Variants in PTCSC3 observed in about 807,000 individuals in gnomAD.
PTCSC3 encodes papillary thyroid carcinoma susceptibility candidate 3, also known as papillary thyroid carcinoma susceptibility candidate 3 (non-protein coding).
At chr14:36,157,826 C>T (rs573230409) in intron 2 of PTCSC3, among the ~76,000 whole-genome samples, 1 of 152,132 alleles carries the variant, frequency 6.6e-6, no homozygotes, top group East Asian at 1.9e-4. Flanking sequence ...GGATAGCATT[C>T]ACTCTATAAA....
At chr14:36,168,072 G>A (rs552015779) in intron 1 of PTCSC3, among the ~76,000 whole-genome samples, 136 of 152,084 alleles carry the variant, frequency 8.9e-4, no homozygotes, top group Non-Finnish European at 1.5e-3. Context: ...GTAGCTTGAA[G>A]GGAAAGCTCT....
At chr14:36,151,282 A>AC (rs925467150) in intron 3 of PTCSC3, among the ~76,000 whole-genome samples, 38 of 150,822 alleles carry the variant, frequency 2.5e-4, no homozygotes, top group African/African-American at 5.8e-4. Flanking sequence ...GTAAGGTATT[A>AC]CCCCCCCGCC....
At chr14:36,140,122 C>G (rs578086340) in intron 3 of PTCSC3, among the ~76,000 whole-genome samples, 9 of 152,296 alleles carry the variant, frequency 5.9e-5, no homozygotes, top group African/African-American at 2.2e-4. Context: ...TTTCACTTTG[C>G]AATATGCATT....
At chr14:36,149,066 G>C (rs1192394567) in intron 3 of PTCSC3, among the ~76,000 whole-genome samples, 1 of 151,482 alleles carries the variant, frequency 6.6e-6, no homozygotes, top group African/African-American at 2.4e-5. Flanking sequence ...TCTTTCTCTA[G>C]TTATCTAATG....
chr14:36,163,128 C>T (rs114751665), intron 1 of PTCSC3, among the ~76,000 whole-genome samples: 126 of 151,650 alleles, frequency 8.3e-4, no homozygotes, highest in African/African-American at 2.9e-3. Flanking sequence ...TACACACCTA[C>T]ATAGAAGGCT....
At chr14:36,164,673 T>C (rs1482074595) in intron 1 of PTCSC3, among the ~76,000 whole-genome samples, 1 of 152,202 alleles carries the variant, frequency 6.6e-6, no homozygotes, top group Non-Finnish European at 1.5e-5. Flanking sequence ...TTGAAAACAC[T>C]GGATACTACA....
exon 1 of PTCSC3, chr14:36,176,389 A>G (rs1359523366): frequency 6.6e-6 from 1 of 151,742 alleles, no homozygotes; most frequent in Admixed American, 6.6e-5. Flanking sequence ...TGACTTTTCC[A>G]CAACAGTCTT....
intron 3 of PTCSC3, among the ~76,000 whole-genome samples, chr14:36,145,055 G>A (rs1349893014): frequency 1.2e-5 from 1 of 83,990 alleles, no homozygotes; most frequent in East Asian, 2.7e-4. Context: ...TGCTGGATTC[G>A]TTTTGCCCGT....
At chr14:36,160,297 A>C (rs1316497193) in intron 2 of PTCSC3, among the ~76,000 whole-genome samples, 1 of 152,156 alleles carries the variant, frequency 6.6e-6, no homozygotes, top group Non-Finnish European at 1.5e-5. Context: ...TTTGCCCATT[A>C]ATTGATGCAG....
rs115117422 is a variant in PTCSC3 at position 36,140,404 on chromosome 14, G to A, written n.323-4048C>T. Among the ~76,000 whole-genome samples, 1,045 of 152,202 alleles carry A rather than the reference G, an allele frequency of 6.9e-3. 11 individuals are homozygous for A. The highest frequency in any genetic ancestry group is 0.021 in the African/African-American group (886 of 41,536). On this transcript the variant is annotated intron_variant and non_coding_transcript_variant, in intron 3 of 3. Transcript: ENST00000556013. ...TTGTATTAAGTCCGTGTTTACCTTC[G>A]TCAGAAACTGCCAGATTGTGTTCTA...
intron 1 of PTCSC3, among the ~76,000 whole-genome samples, chr14:36,167,204 A>G (rs1882106948): frequency 6.6e-6 from 1 of 152,142 alleles, no homozygotes; most frequent in African/African-American, 2.4e-5. Context: ...GATTAATCCT[A>G]TTTCTGTTTC....
intron 2 of PTCSC3, among the ~76,000 whole-genome samples, chr14:36,161,853 A>G (rs1215783470): frequency 6.6e-6 from 1 of 152,160 alleles, no homozygotes; most frequent in East Asian, 1.9e-4. Context: ...GCCCTGTCCC[A>G]GGGTTATGAG....
chr14:36,173,338 G>A (rs1000066213), intron 1 of PTCSC3, among the ~76,000 whole-genome samples: 7 of 151,910 alleles, frequency 4.6e-5, no homozygotes, highest in African/African-American at 1.7e-4. Flanking sequence ...ACTAAGTACT[G>A]GTAGAGGCAA....
intron 2 of PTCSC3, among the ~76,000 whole-genome samples, chr14:36,157,447 T>C (rs1251771703): frequency 6.6e-6 from 1 of 152,218 alleles, no homozygotes; most frequent in Admixed American, 6.5e-5. Context: ...CCATTGCTTT[T>C]GGTGTTTTAT....
At chr14:36,137,565 A>C (rs1465645520) in intron 3 of PTCSC3, among the ~76,000 whole-genome samples, 3 of 152,198 alleles carry the variant, frequency 2.0e-5, no homozygotes, top group African/African-American at 7.2e-5. Flanking sequence ...TGGTAGGAAT[A>C]GCATAATGAG....
At chr14:36,139,750 C>G (rs967932785) in intron 3 of PTCSC3, among the ~76,000 whole-genome samples, 1 of 152,198 alleles carries the variant, frequency 6.6e-6, no homozygotes, top group South Asian at 2.1e-4. Flanking sequence ...TATATCCTCC[C>G]TTCCCCACAG....
chr14:36,145,510 C>T (rs1452467703), intron 3 of PTCSC3, among the ~76,000 whole-genome samples: 1 of 148,266 alleles, frequency 6.7e-6, no homozygotes, highest in African/African-American at 2.5e-5. Context: ...GGTGATATCC[C>T]CTTTATCATT....
downstream of PTCSC3, among the ~76,000 whole-genome samples, chr14:36,135,508 A>G (rs1881265326): frequency 1.3e-5 from 2 of 152,168 alleles, no homozygotes; most frequent in Non-Finnish European, 2.9e-5. Context: ...AAGGTTGTCA[A>G]TTACTACTGG....
At chr14:36,148,586 C>A (rs564010406) in intron 3 of PTCSC3, among the ~76,000 whole-genome samples, 1 of 152,186 alleles carries the variant, frequency 6.6e-6, no homozygotes. Flanking sequence ...TGAGATGAAC[C>A]TGGTACCTCA....
Sources: gnomAD v4.1 joint callset for allele counts (sites outside exome capture counted in the v4.1 genomes callset) on GRCh38, gnomAD v4.1.1 for gene constraint, MANE v1.5 for transcripts, NCBI Gene and HGNC (gene_info 2026-07-23, HGNC 2026-07-21) for gene names.